Variants in TENM3 observed in about 807,000 individuals in gnomAD.
The protein encoded by TENM3 is teneurin transmembrane protein 3, also known as teneurin-3.
A neutral mutation model predicts 255.1 loss-of-function variants in TENM3; 63 were observed. The ratio of observed to expected loss-of-function variants is 0.25; its 90% confidence interval spans 0.20 to 0.30. The LOEUF (loss-of-function observed/expected upper bound fraction) is 0.30, where lower values mean the gene tolerates loss of function less well. Among genes scored for constraint, TENM3 ranks in the 10% least tolerant of loss-of-function variants. The pLI is 1.00. For missense variants in TENM3, 2,929 were observed against 3,461.1 expected (o/e 0.85, Z 3.86); for synonymous variants, 1,306 against 1,322.3 (o/e 0.99, Z 0.27).
intron 1 of TENM3, among the ~76,000 whole-genome samples, chr4:182,323,454 CAA>C (rs1763184546): frequency 6.8e-6 from 1 of 146,172 alleles, no homozygotes; most frequent in Non-Finnish European, 1.5e-5. Flanking sequence ...ATGCATTTGA[CAA>C]AGTTTCAGTG....
the TENM3 span, among the ~76,000 whole-genome samples, chr4:182,071,057 G>A: frequency 5.3e-5 from 8 of 151,866 alleles, no homozygotes; most frequent in Non-Finnish European, 1.2e-4. Flanking sequence ...AGCTACTGAC[G>A]CTTGAATTAA....
intron 4 of TENM3, among the ~76,000 whole-genome samples, chr4:182,605,014 CT>C (rs945682205): frequency 1.2e-4 from 18 of 152,198 alleles, no homozygotes; most frequent in African/African-American, 4.3e-4. Flanking sequence ...ACTTTTTTCT[CT>C]TTTTATCTTC....
the TENM3 span, among the ~76,000 whole-genome samples, chr4:182,080,792 G>A: frequency 6.6e-6 from 1 of 152,034 alleles, no homozygotes; most frequent in Non-Finnish European, 1.5e-5. Context: ...AGGGGTTCAC[G>A]ACAAGCCTAG....
At chr4:181,646,074 C>A in the TENM3 span, among the ~76,000 whole-genome samples, 2 of 152,144 alleles carry the variant, frequency 1.3e-5, no homozygotes, top group Non-Finnish European at 1.5e-5. Flanking sequence ...CTCCAACATG[C>A]GCAAAGCCCT....
chr4:182,659,375 A>G (rs11132140), intron 6 of TENM3, among the ~76,000 whole-genome samples: 61,205 of 151,848 alleles, frequency 0.4, 12,673 homozygotes, highest in South Asian at 0.57. Flanking sequence ...ATATTGTTAT[A>G]ATTGTTCTAT....
the TENM3 span, among the ~76,000 whole-genome samples, chr4:181,911,110 A>T: frequency 5.9e-5 from 9 of 152,330 alleles, no homozygotes; most frequent in African/African-American, 1.9e-4. Flanking sequence ...TCTCAAAATC[A>T]CTGCCCATTT....
chr4:182,553,542 TA>T (rs544241466), intron 3 of TENM3, among the ~76,000 whole-genome samples: 10,525 of 145,458 alleles, frequency 0.072, 404 homozygotes, highest in Middle Eastern at 0.11. Flanking sequence ...TAATAAAATT[TA>T]AAAAAAAAAA....
chr4:182,759,827 G>A (rs1763002432), intron 22 of TENM3, among the ~76,000 whole-genome samples: 2 of 152,112 alleles, frequency 1.3e-5, no homozygotes, highest in Admixed American at 1.3e-4. Flanking sequence ...CTGTCATTTC[G>A]AAAACTAGAG....
chr4:182,725,979 T>C (rs67585948), intron 13 of TENM3, among the ~76,000 whole-genome samples: 18,720 of 152,034 alleles, frequency 0.12, 1,418 homozygotes, highest in South Asian at 0.16. Context: ...TCCAGAGAAA[T>C]AAACATGCAG....
chr4:182,772,635 T>C (rs1267435423), intron 22 of TENM3: 4 of 152,134 alleles, frequency 2.6e-5, no homozygotes, highest in African/African-American at 9.7e-5. Flanking sequence ...TCACAAAAAT[T>C]CAATTCTTCA....
chr4:182,220,891 G>C (rs1185040564), intron 1 of TENM3, among the ~76,000 whole-genome samples: 1 of 152,106 alleles, frequency 6.6e-6, no homozygotes, highest in Non-Finnish European at 1.5e-5. Flanking sequence ...TTTTCTTCTG[G>C]AGAGATTATT....
At chr4:182,359,025 T>C (rs1469225195) in intron 3 of TENM3, among the ~76,000 whole-genome samples, 1 of 151,522 alleles carries the variant, frequency 6.6e-6, no homozygotes, top group Non-Finnish European at 1.5e-5. Context: ...TTACATTTAT[T>C]GATTTGCATA....
chr4:182,310,125 C>A (rs906002066), intron 1 of TENM3, among the ~76,000 whole-genome samples: 3 of 152,170 alleles, frequency 2.0e-5, no homozygotes, highest in Non-Finnish European at 4.4e-5. Flanking sequence ...TGTTCTCTGT[C>A]TCCTTCCCAG....
the TENM3 span, among the ~76,000 whole-genome samples, chr4:181,890,288 T>A: frequency 1.3e-5 from 2 of 152,178 alleles, no homozygotes; most frequent in Non-Finnish European, 2.9e-5. Flanking sequence ...GGGTGCATGC[T>A]GGGGTTGATT....
intron 3 of TENM3, among the ~76,000 whole-genome samples, chr4:182,424,443 G>T (rs933996815): frequency 6.6e-6 from 1 of 150,782 alleles, no homozygotes; most frequent in Non-Finnish European, 1.5e-5. Context: ...TATCTTCACT[G>T]TTGATTTTGA....
the TENM3 span, among the ~76,000 whole-genome samples, chr4:181,472,068 A>G: frequency 0.27 from 40,330 of 152,000 alleles, 5,439 homozygotes; most frequent in South Asian, 0.31. Flanking sequence ...AGAGAAGGTC[A>G]AAGAGTGACC....
At chr4:182,111,655 T>C in the TENM3 span, among the ~76,000 whole-genome samples, 2 of 152,174 alleles carry the variant, frequency 1.3e-5, no homozygotes, top group African/African-American at 4.8e-5. Context: ...TAACATACCA[T>C]TGGGATTCTG....
intron 8 of TENM3, 57 bp downstream of exon 8, chr4:182,679,933 A>T (rs1639205386): frequency 7.0e-7 from 1 of 1,434,064 alleles, no homozygotes; most frequent in African/African-American, 1.4e-5. Context: ...GCCGTGTTTA[A>T]TAAAAACTAA....
At chr4:182,560,510 C>T (rs1179226232) in intron 3 of TENM3, among the ~76,000 whole-genome samples, 2 of 152,182 alleles carry the variant, frequency 1.3e-5, no homozygotes, top group Non-Finnish European at 2.9e-5. Flanking sequence ...TGCAGTCACT[C>T]TGCTAGGGAA....
Sources: allele counts gnomAD v4.1 joint callset (sites outside exome capture counted in the v4.1 genomes callset), GRCh38; gene constraint gnomAD v4.1.1; transcripts MANE v1.5; gene names NCBI Gene and HGNC (gene_info 2026-07-23, HGNC 2026-07-21).